Variants in COP1 observed in about 807,000 individuals in gnomAD.
The protein encoded by COP1 is COP1 E3 ubiquitin ligase, also known as E3 ubiquitin-protein ligase COP1.
COP1 carries 24 observed loss-of-function variants against 101.3 expected under a neutral mutation model. That is an observed-to-expected ratio of 0.24 (90% CI 0.17 to 0.33). The LOEUF is 0.33. COP1 is among the 10% of genes least tolerant of loss of function. The probability of loss-of-function intolerance (pLI) is 1.00; values close to 1 mark genes in which losing one functional copy is unlikely to be tolerated. For synonymous variants in COP1, 347 were observed against 341.9 expected (o/e 1.01, Z -0.17); for missense variants, 663 against 906.2 (o/e 0.73, Z 3.45).
At chr1:176,136,997 C>T (rs1310543415) in intron 6 of COP1, among the ~76,000 whole-genome samples, 3 of 152,026 alleles carry the variant, frequency 2.0e-5, no homozygotes, top group African/African-American at 7.2e-5. Context: ...ATCTGCCCGC[C>T]TCAGCCTCCC....
chr1:176,051,304 A>G (rs1672512978), intron 11 of COP1, among the ~76,000 whole-genome samples: 1 of 152,216 alleles, frequency 6.6e-6, no homozygotes, highest in Admixed American at 6.5e-5. Flanking sequence ...AAAAAAACAC[A>G]TTACAGTTAT....
At chr1:176,037,068 G>A (rs1002117623) in intron 14 of COP1, among the ~76,000 whole-genome samples, 8 of 151,972 alleles carry the variant, frequency 5.3e-5, no homozygotes, top group East Asian at 3.9e-4. Flanking sequence ...AAAACTACAC[G>A]CCCAGAAAGC....
chr1:175,982,880 G>A (rs1311250330), intron 18 of COP1, among the ~76,000 whole-genome samples: 1 of 152,182 alleles, frequency 6.6e-6, no homozygotes, highest in Admixed American at 6.5e-5. Context: ...GGGGATGGGA[G>A]TGGGAGGATG....
intron 8 of COP1, among the ~76,000 whole-genome samples, chr1:176,121,606 C>A (rs549562943): frequency 6.6e-6 from 1 of 152,270 alleles, no homozygotes; most frequent in East Asian, 1.9e-4. Context: ...ACTACTTTGA[C>A]AGTTGCAACT....
intron 18 of COP1, among the ~76,000 whole-genome samples, chr1:175,960,761 C>A (rs923841610): frequency 1.4e-4 from 22 of 152,154 alleles, no homozygotes; most frequent in African/African-American, 5.3e-4. Context: ...AGAGGCTTCG[C>A]CAGAAAGCTA....
chr1:176,130,510 C>A lies in COP1; in HGVS notation c.968+4500G>T, dbSNP rs144129765. On this transcript the variant is annotated intron_variant, in intron 8 of 19. Transcript: ENST00000367669. ...GCAGTCATTGGTTTGATTAATTCTA[C>A]GGAAAGTCTGAAATGGATGAAAGCT... Among the ~76,000 whole-genome samples, 541 of 151,742 alleles carry A rather than the reference C, an allele frequency of 3.6e-3. 1 individual carries two copies. The Middle Eastern group carries it at 0.037, about 10-fold the overall frequency.
intron 8 of COP1, among the ~76,000 whole-genome samples, chr1:176,117,878 G>C (rs558127421): frequency 2.0e-5 from 3 of 151,988 alleles, no homozygotes; most frequent in African/African-American, 7.3e-5. Context: ...CTGGGCAACA[G>C]AGCAAGACTC....
chr1:176,007,744 C>G (rs1663684472), intron 15 of COP1, among the ~76,000 whole-genome samples: 1 of 152,256 alleles, frequency 6.6e-6, no homozygotes, highest in East Asian at 1.9e-4. Flanking sequence ...CTGCTCTCTT[C>G]AAAGCTGTCA....
intron 11 of COP1, among the ~76,000 whole-genome samples, chr1:176,071,435 A>G (rs1023173822): frequency 2.0e-5 from 3 of 152,178 alleles, no homozygotes; most frequent in Non-Finnish European, 4.4e-5. Flanking sequence ...AGAACAGCCT[A>G]GTATACTCGC....
intron 11 of COP1, among the ~76,000 whole-genome samples, chr1:176,050,377 AT>A (rs1374896878): frequency 6.6e-6 from 1 of 152,232 alleles, no homozygotes. Context: ...CAAGCAGTGA[AT>A]TTTGTCAGTG....
chr1:176,119,669 G>T, intron 8 of COP1, among the ~76,000 whole-genome samples: 1 of 150,768 alleles, frequency 6.6e-6, no homozygotes. Context: ...CACACATATA[G>T]AAAAGAATAT....
intron 8 of COP1, among the ~76,000 whole-genome samples, chr1:176,130,361 T>C (rs1040777105): frequency 3.3e-5 from 5 of 151,780 alleles, no homozygotes; most frequent in African/African-American, 1.2e-4. Context: ...TACCAATCTC[T>C]AATTTTCTCA....
intron 18 of COP1, among the ~76,000 whole-genome samples, chr1:175,952,215 A>G (rs1171184377): frequency 6.6e-6 from 1 of 152,108 alleles, no homozygotes; most frequent in Non-Finnish European, 1.5e-5. Context: ...TGAGGTCAGG[A>G]GTTTGAGAGC....
In COP1 at chr1:175,988,409, T is replaced by C. The variant is rs1657616787; in HGVS notation, c.1851A>G (p.Ser617=). Residue 617 remains serine, a synonymous_variant, in exon 17 of 20, where the codon TCA becomes TCG. Transcript: ENST00000367669. ...TCCACAGTTTTAGCTGACTGTCTGTTGAGCTGAGGAAAAGTACAAAGAGTA... is the reference window on the plus strand; with the variant it reads ...TCCACAGTTTTAGCTGACTGTCTGTCGAGCTGAGGAAAAGTACAAAGAGTA... ...FVSGEEIVSA[S]TDSQLKLWNV... The C allele has an allele frequency of 6.3e-7, 1 of 1,594,246 alleles. No individual in the cohort carries two copies. The highest frequency in any genetic ancestry group is 8.6e-7 in the Non-Finnish European group (1 of 1,167,846).
At position 176,022,148 on chromosome 1, in the gene COP1, A is replaced by G. The variant is rs575749180; in HGVS notation, c.1729+5424T>C. ...TTTGATAACTATATTGGGACTTGTA[A>G]AGTCTTTTATATGTATGAAAAAGGT... On this transcript the variant is annotated intron_variant, in intron 15 of 19. Transcript: ENST00000367669. 2.0e-4 allele frequency among the ~76,000 whole-genome samples: 30 copies of G among 152,346 alleles called. No individual in the cohort carries two copies. In the South Asian group the frequency reaches 4.6e-3, roughly 23 times the overall value.
intron 15 of COP1, among the ~76,000 whole-genome samples, chr1:175,994,760 C>T (rs906308419): frequency 1.3e-5 from 2 of 152,272 alleles, no homozygotes; most frequent in East Asian, 3.9e-4. Context: ...CCTGAGTGAC[C>T]TACAAAGAGA....
intron 11 of COP1, among the ~76,000 whole-genome samples, chr1:176,055,329 G>A (rs958159553): frequency 1.3e-5 from 2 of 152,184 alleles, no homozygotes; most frequent in African/African-American, 4.8e-5. Context: ...CAGCTACTCA[G>A]GAGGCTGAGG....
rs138406127 is a variant in COP1, at chr1:176,085,785, G to A, written c.1132C>T (p.Arg378Cys). 56 of 1,579,048 alleles carry A rather than the reference G, an allele frequency of 3.5e-5. No individual in the cohort carries two copies. Among genetic ancestry groups the A allele is most frequent in the South Asian group, 2.2e-5 (2 of 89,048 alleles). ...AGGTCTAAATATATACCTGAGATACGAGACATCCTTGTAGAAAAGTAACAC... is the reference window on the plus strand; with the variant it reads ...AGGTCTAAATATATACCTGAGATACAAGACATCCTTGTAGAAAAGTAACAC... ...EQCYFSTRMS[R>C]ISDDSRTASQ... Residue 378 changes from arginine to cysteine, a missense_variant, in exon 10 of 20, where the codon CGT becomes TGT. Arg to Cys is a radical substitution (Grantham distance 180). Around this residue, in one of 4 missense-constraint regions of COP1, gnomAD observed 212 missense variants for 240.7 expected, o/e 0.88. Coordinates refer to ENST00000367669, the MANE Select transcript of COP1 (RefSeq NM_022457.7).
At chr1:176,044,525 A>G (rs1012050398) in intron 12 of COP1, among the ~76,000 whole-genome samples, 2 of 152,182 alleles carry the variant, frequency 1.3e-5, no homozygotes, top group African/African-American at 4.8e-5. Flanking sequence ...TTTGCTTTCT[A>G]CTAGTTGCAT....
Sources: allele counts gnomAD v4.1 joint callset (sites outside exome capture counted in the v4.1 genomes callset), GRCh38; gene constraint gnomAD v4.1.1; regional missense constraint gnomAD v4.1.1; transcripts MANE v1.5; gene names NCBI Gene and HGNC (gene_info 2026-07-23, HGNC 2026-07-21).